Variants in KIF26B observed in about 807,000 individuals in gnomAD.
KIF26B encodes kinesin-like protein KIF26B.
A neutral mutation model predicts 151.2 loss-of-function variants in KIF26B; 63 were observed. That is an observed-to-expected ratio of 0.42 (90% CI 0.34 to 0.51). The LOEUF (loss-of-function observed/expected upper bound fraction) is 0.51. KIF26B is among the 20% of genes least tolerant of loss of function. The pLI, the probability that KIF26B is intolerant of heterozygous loss-of-function variation, is 0.07. For missense variants in KIF26B, 2,813 were observed against 2,913.6 expected, an observed-to-expected ratio of 0.97 and a Z score of 0.79; for synonymous variants, 1,357 against 1,262.1, an observed-to-expected ratio of 1.08 and a Z score of -1.59.
intron 2 of KIF26B, among the ~76,000 whole-genome samples, chr1:245,175,494 A>G (rs2103524634): frequency 6.6e-6 from 1 of 152,234 alleles, no homozygotes; most frequent in South Asian, 2.1e-4. Context: ...GTAAACAGGC[A>G]TGGTTGCCTG....
intron 2 of KIF26B, among the ~76,000 whole-genome samples, chr1:245,172,857 A>G (rs1314830665): frequency 6.6e-6 from 1 of 152,236 alleles, no homozygotes; most frequent in Non-Finnish European, 1.5e-5. Context: ...CACCACATCA[A>G]TTTCACAAGA....
chr1:245,173,655 C>T (rs868259691), intron 2 of KIF26B, among the ~76,000 whole-genome samples: 2 of 152,200 alleles, frequency 1.3e-5, no homozygotes, highest in Admixed American at 6.5e-5. Context: ...TTCCTGCTCC[C>T]CGGCCTCCCT....
At chr1:245,696,326 A>G (rs1428470159) in intron 12 of KIF26B, among the ~76,000 whole-genome samples, 2 of 152,206 alleles carry the variant, frequency 1.3e-5, no homozygotes, top group African/African-American at 4.8e-5. Context: ...AATGAACTAA[A>G]GCCTCCTGCC....
At position 245,383,260 on chromosome 1, in the gene KIF26B, G is replaced by A. The variant is rs139671378; in HGVS notation, c.999+15893G>A. Among the ~76,000 whole-genome samples the A allele has an allele frequency of 9.2e-5, 14 of 151,992 alleles. No homozygotes were observed. The East Asian group carries it at 9.7e-4, about 11-fold the overall frequency. On this transcript the variant is annotated intron_variant, in intron 3 of 14. Transcript: ENST00000407071. ...TTTAGAAAACCGAGGCATCCCTCAC[G>A]TCTGAACACGGTATCCCTGAAAAAT...
rs2042972821 is a variant in KIF26B, at chr1:245,563,186, C to T, written c.1350+22236C>T. Among the ~76,000 whole-genome samples, 1 of 152,192 alleles carries T rather than the reference C, an allele frequency of 6.6e-6. No homozygotes were observed. The highest frequency in any genetic ancestry group is 2.1e-4 in the South Asian group (1 of 4,834). On this transcript the variant is annotated intron_variant, in intron 5 of 14. Transcript: ENST00000407071. The surrounding 1 kb of genome is among the most constrained non-coding windows in gnomAD (Gnocchi z 4.6). The stretch of plus-strand genomic sequence containing the variant: ...AATTCAAATGCTTTGCGTTAAATGC[C>T]AGTCAGTGTCTCTTCCCAAAGACCC...
intron 3 of KIF26B, among the ~76,000 whole-genome samples, chr1:245,372,735 C>A (rs150189638): frequency 3.3e-5 from 5 of 152,188 alleles, no homozygotes; most frequent in Admixed American, 3.3e-4. Context: ...AAAGACTGTA[C>A]ACATAACACA....
chr1:245,558,864 G>A (rs991098018), intron 5 of KIF26B, among the ~76,000 whole-genome samples: 2 of 152,234 alleles, frequency 1.3e-5, no homozygotes, highest in African/African-American at 4.8e-5. Flanking sequence ...AAAAGATGGG[G>A]AGAGAGTGAC....
rs113363834 is a variant in KIF26B at position 245,233,950 on chromosome 1, G to A, written c.465+77267G>A. Among the ~76,000 whole-genome samples the A allele has an allele frequency of 4.6e-3, 704 of 152,232 alleles. 5 individuals carry two copies. Among genetic ancestry groups the A allele is most frequent in the African/African-American group, 0.016 (678 of 41,532 alleles). On this transcript the variant is annotated intron_variant, in intron 2 of 14. Transcript: ENST00000407071. Reference sequence around the variant, plus strand: ...TAATCCCAGCAATTTGGGAGGCTGAGGCGGGCAGATCACCTGAGGTCAGGA... The same window carrying A: ...TAATCCCAGCAATTTGGGAGGCTGAAGCGGGCAGATCACCTGAGGTCAGGA...
chr1:245,158,893 C>A (rs1344016323), intron 2 of KIF26B, among the ~76,000 whole-genome samples: 1 of 150,614 alleles, frequency 6.6e-6, no homozygotes, highest in Non-Finnish European at 1.5e-5. Context: ...AGCATTTGTA[C>A]CTTGCATTTA....
intron 4 of KIF26B, among the ~76,000 whole-genome samples, chr1:245,428,800 A>C (rs546001432): frequency 1.2e-4 from 19 of 152,186 alleles, no homozygotes; most frequent in Non-Finnish European, 2.6e-4. Flanking sequence ...TCTGGGAATC[A>C]TTTCCACGGC....
intron 11 of KIF26B, 129 bp from the exon 12 acceptor site, chr1:245,685,276 G>A (rs573861809): frequency 8.2e-6 from 6 of 736,028 alleles, no homozygotes; most frequent in South Asian, 1.9e-5. Flanking sequence ...GCCCACGTGC[G>A]GGAGGCCAAC....
rs567187839 is a variant in KIF26B, at chr1:245,698,025, G to C, written c.5825-81G>C. The C allele has an allele frequency of 5.2e-6, 7 of 1,343,656 alleles. No homozygotes were observed. In the African/African-American group the frequency reaches 5.9e-5, roughly 11 times the overall value. The allele number at this position is 1,343,656 out of a possible 1,614,324, so 83.2% of individuals were successfully genotyped here. On this transcript the variant is annotated intron_variant, in intron 12 of 14. Coordinates refer to ENST00000407071, the MANE Select transcript of KIF26B (RefSeq NM_018012.4). This position sits in a 1 kb window ranked among gnomAD's most constrained non-coding sequence, Gnocchi z 4.0. ...CCACTGCACTCCAGCCTGGGCAACA[G>C]AGCAAGACCCTGTCTCAAAAAAACA...
chr1:245,513,449 T>C (rs1292759437), intron 4 of KIF26B, among the ~76,000 whole-genome samples: 1 of 151,992 alleles, frequency 6.6e-6, no homozygotes, highest in Non-Finnish European at 1.5e-5. Context: ...GTCTCTAAAG[T>C]TTCAAGCAAA....
chr1:245,599,624 T>C (rs2103143216), intron 5 of KIF26B, among the ~76,000 whole-genome samples: 1 of 152,350 alleles, frequency 6.6e-6, no homozygotes, highest in East Asian at 1.9e-4. Flanking sequence ...GTGGGCTCCA[T>C]CAGCTCTGCC....
chr1:245,306,478 G>A (rs1436637020), intron 2 of KIF26B, among the ~76,000 whole-genome samples: 1 of 152,116 alleles, frequency 6.6e-6, no homozygotes, highest in Non-Finnish European at 1.5e-5. Flanking sequence ...ATACTAAAAA[G>A]CATAGAATTG....
chr1:245,532,318 T>C (rs1661386745), intron 4 of KIF26B, among the ~76,000 whole-genome samples: 1 of 148,074 alleles, frequency 6.8e-6, no homozygotes, highest in South Asian at 2.2e-4. Context: ...CGATCTCGGC[T>C]CACTGCAAGC....
At chr1:245,233,733 A>G (rs1670046049) in intron 2 of KIF26B, among the ~76,000 whole-genome samples, 1 of 152,190 alleles carries the variant, frequency 6.6e-6, no homozygotes, top group South Asian at 2.1e-4. Context: ...TAAACTTAAC[A>G]TGGGAACACT....
chr1:245,360,960 G>T (rs1672805248), intron 2 of KIF26B, among the ~76,000 whole-genome samples: 3 of 152,188 alleles, frequency 2.0e-5, no homozygotes, highest in African/African-American at 4.8e-5. Context: ...TCACACCACT[G>T]CACTCCAGCC....
chr1:245,291,237 A>G (rs984070902), intron 2 of KIF26B, among the ~76,000 whole-genome samples: 6 of 152,200 alleles, frequency 3.9e-5, no homozygotes, highest in Non-Finnish European at 7.3e-5. Context: ...GAGAGGAGGA[A>G]CTGCAAAGAT....
Sources: allele counts gnomAD v4.1 joint callset (sites outside exome capture counted in the v4.1 genomes callset), GRCh38; gene constraint gnomAD v4.1.1; non-coding constraint Gnocchi (gnomAD v3.1); transcripts MANE v1.5; gene names NCBI Gene and HGNC (gene_info 2026-07-23, HGNC 2026-07-21).